LMCD1: variants seen among roughly 807,000 people sequenced by gnomAD.
LMCD1 encodes the protein LIM and cysteine rich domains 1.
LMCD1 carries 32 observed loss-of-function variants against 42.7 expected under a neutral mutation model. The ratio of observed to expected loss-of-function variants is 0.75; its 90% CI spans 0.57 to 1.01. The LOEUF is 1.01. Ranked by LOEUF, LMCD1 falls within the 50% of genes least tolerant of loss-of-function variation. LMCD1 has a pLI of 0.00. For synonymous variants in LMCD1, 178 were observed against 184.9 expected (o/e 0.96, Z 0.30); for missense variants, 458 against 483.1 (o/e 0.95, Z 0.49).
At chr3:8,505,779 G>C (rs1693867470) in intron 1 of LMCD1, among the ~76,000 whole-genome samples, 1 of 152,192 alleles carries the variant, frequency 6.6e-6, no homozygotes, top group African/African-American at 2.4e-5. Context: ...TGTCCTTCAG[G>C]CTAGGCCTTC....
intron 1 of LMCD1, among the ~76,000 whole-genome samples, chr3:8,506,009 A>T (rs1303829519): frequency 2.0e-5 from 3 of 152,240 alleles, no homozygotes; most frequent in Non-Finnish European, 2.9e-5. Flanking sequence ...TTTTGCCATA[A>T]TAGAGCCTTG....
At chr3:8,551,105 A>G (rs943458152) in intron 4 of LMCD1, 1 of 985,310 alleles carries the variant, frequency 1.0e-6, no homozygotes, top group Non-Finnish European at 1.2e-6. Context: ...AGGCTGGGCT[A>G]GCTGTGGAAG....
chr3:8,533,873 T>C (rs1227121382), intron 2 of LMCD1, among the ~76,000 whole-genome samples: 1 of 151,792 alleles, frequency 6.6e-6, no homozygotes, highest in Non-Finnish European at 1.5e-5. Flanking sequence ...CAGAACACTG[T>C]TCCCTGACTC....
chr3:8,539,501 T>A (rs1017632010), intron 3 of LMCD1, among the ~76,000 whole-genome samples: 2 of 152,078 alleles, frequency 1.3e-5, no homozygotes, highest in African/African-American at 4.8e-5. Context: ...CAGGTCTCCC[T>A]CCAGCCCCAG....
intron 4 of LMCD1, among the ~76,000 whole-genome samples, chr3:8,551,677 A>C (rs1694841414): frequency 6.6e-6 from 1 of 152,162 alleles, no homozygotes; most frequent in Non-Finnish European, 1.5e-5. Context: ...GGGTAGCTAG[A>C]TAGGCTGACA....
rs1391034079 is a variant in LMCD1, at chr3:8,512,317, G to A, written c.42+10337G>A. On this transcript the variant is annotated intron_variant, in intron 1 of 5. Transcript: ENST00000157600. ...TATCTGACTTGGTCTGAAAATGTGAGTTCCTTCTTGCTGTATTCTAGAGCA... is the reference window on the plus strand; with the variant it reads ...TATCTGACTTGGTCTGAAAATGTGAATTCCTTCTTGCTGTATTCTAGAGCA... Among the ~76,000 whole-genome samples, 3 of 152,212 alleles carry A rather than the reference G, an allele frequency of 2.0e-5. No homozygotes were observed. The South Asian group carries it at 6.2e-4, about 31-fold the overall frequency.
intron 3 of LMCD1, 79 bp from the exon 4 acceptor site, chr3:8,548,489 A>T: frequency 1.0e-6 from 1 of 977,924 alleles, no homozygotes; most frequent in Non-Finnish European, 1.5e-6. Context: ...TTTCAGTTTT[A>T]GGTAGATTCT....
At chr3:8,543,392 A>ATAGT (rs1694666765) in intron 3 of LMCD1, among the ~76,000 whole-genome samples, 2 of 92,128 alleles carry the variant, frequency 2.2e-5, no homozygotes, top group Admixed American at 2.0e-4. Flanking sequence ...AGATAGATAG[A>ATAGT]TAGATGATAG....
intron 1 of LMCD1, among the ~76,000 whole-genome samples, chr3:8,502,362 TTATATAA>T (rs1693765444): frequency 1.4e-5 from 1 of 70,092 alleles, no homozygotes; most frequent in African/African-American, 6.8e-5. Context: ...ATAATATATA[TTATATAA>T]AATATATATA....
At chr3:8,525,318 T>A (rs1383057822) in intron 1 of LMCD1, among the ~76,000 whole-genome samples, 2 of 152,218 alleles carry the variant, frequency 1.3e-5, no homozygotes, top group Admixed American at 6.5e-5. Flanking sequence ...TTATTTCACG[T>A]AGCATAATGT....
At chr3:8,514,804 C>T in intron 1 of LMCD1, 1 of 362,856 alleles carries the variant, frequency 2.8e-6, no homozygotes, top group South Asian at 2.2e-5. Flanking sequence ...ACAGGCAAAA[C>T]TAATCAACAG....
At position 8,567,973 on chromosome 3, in the gene LMCD1, T is replaced by A. The variant is rs1695157178; in HGVS notation, c.*375T>A. ...AAATCGCATAGCTGTAGAATGTGCG[T>A]GCTTTTTTGTGGACACAGGAGCTCC... On this transcript the variant is annotated 3_prime_UTR_variant, in exon 6 of 6. Coordinates refer to ENST00000157600, the MANE Select transcript of LMCD1 (RefSeq NM_014583.4). 1 of 157,050 alleles carries A rather than the reference T, an allele frequency of 6.4e-6. No individual in the cohort carries two copies. The highest frequency in any genetic ancestry group is 1.4e-5 in the Non-Finnish European group (1 of 71,566). The allele number at this position is 157,050 out of a possible 1,614,324, so 9.7% of individuals were successfully genotyped here. A position where few individuals can be genotyped will look rare whatever the true frequency, so the allele number is the denominator to read the frequency against.
At chr3:8,551,136 C>A (rs1694832151) in intron 4 of LMCD1, 1 of 985,354 alleles carries the variant, frequency 1.0e-6, no homozygotes, top group Non-Finnish European at 1.2e-6. Flanking sequence ...ATGTCCCTGC[C>A]CCAACCACAA....
At chr3:8,566,214 T>C (rs1316050235) in intron 5 of LMCD1, among the ~76,000 whole-genome samples, 1 of 152,176 alleles carries the variant, frequency 6.6e-6, no homozygotes, top group Non-Finnish European at 1.5e-5. Context: ...CAATACAATA[T>C]GATAGAGATG....
At chr3:8,531,290 G>T (rs1204626170) in intron 1 of LMCD1, among the ~76,000 whole-genome samples, 2 of 152,046 alleles carry the variant, frequency 1.3e-5, no homozygotes, top group African/African-American at 4.8e-5. Context: ...CTTCTGCTAG[G>T]CATCTCCTTT....
At chr3:8,538,134 C>G (rs758953519) in intron 3 of LMCD1, among the ~76,000 whole-genome samples, 2 of 152,178 alleles carry the variant, frequency 1.3e-5, no homozygotes, top group African/African-American at 4.8e-5. Flanking sequence ...AAATCCAAAT[C>G]ATCAGATGTG....
In LMCD1 at chr3:8,572,645, GTTA is replaced by G. The variant is rs1695237641; in HGVS notation, c.*5050_*5052del. On this transcript the variant is annotated 3_prime_UTR_variant, in exon 6 of 6. Transcript: ENST00000157600. ...ATTCACATATTTACATCAGCTTGGA[GTTA>G]TTGATTTCTATTTTATTAAATAGTT... 6.6e-6 allele frequency: 1 copy of G among 152,124 alleles called. No homozygotes were observed. Among genetic ancestry groups the G allele is most frequent in the East Asian group, 1.9e-4 (1 of 5,202 alleles). 9.4% of individuals were successfully genotyped at this position (152,124 alleles called of 1,614,324 possible).
intron 3 of LMCD1, among the ~76,000 whole-genome samples, chr3:8,541,371 GAA>G (rs1198745088): frequency 2.6e-5 from 4 of 152,092 alleles, no homozygotes; most frequent in Non-Finnish European, 4.4e-5. Context: ...CCAACATGGT[GAA>G]ACCCCTCTCT....
At chr3:8,527,220 T>G (rs1017828250) in intron 1 of LMCD1, among the ~76,000 whole-genome samples, 1 of 152,168 alleles carries the variant, frequency 6.6e-6, no homozygotes, top group Non-Finnish European at 1.5e-5. Flanking sequence ...TCATGATCAC[T>G]GGGAAAGATA....
Sources: allele counts gnomAD v4.1 joint callset (sites outside exome capture counted in the v4.1 genomes callset), GRCh38; gene constraint gnomAD v4.1.1; transcripts MANE v1.5; gene names NCBI Gene and HGNC (gene_info 2026-07-23, HGNC 2026-07-21).